Variants in PCDHA1 observed in about 807,000 individuals in gnomAD.
The protein encoded by PCDHA1 is protocadherin alpha-1.
Under a neutral mutation model 61.3 loss-of-function variants are expected in PCDHA1, and 42 were observed. The ratio of observed to expected loss-of-function variants is 0.69; its 90% CI spans 0.54 to 0.89. The LOEUF (loss-of-function observed/expected upper bound fraction) is 0.89. PCDHA1 is among the 40% of genes least tolerant of loss of function. The probability of loss-of-function intolerance (pLI) is 0.00; values close to 1 mark genes in which losing one functional copy is unlikely to be tolerated. For synonymous variants in PCDHA1, 610 were observed against 553.8 expected, an observed-to-expected ratio of 1.10 and a Z score of -1.43; for missense variants, 1,256 against 1,235.3, an observed-to-expected ratio of 1.02 and a Z score of -0.25.
chr5:140,891,056 T>C (rs2062933451), intron 1 of PCDHA1, among the ~76,000 whole-genome samples: 1 of 152,196 alleles, frequency 6.6e-6, no homozygotes, highest in Non-Finnish European at 1.5e-5. Context: ...CAGCACATAG[T>C]AAATATTATT....
intron 1 of PCDHA1, chr5:140,870,819 G>T: frequency 3.1e-6 from 5 of 1,613,714 alleles, no homozygotes; most frequent in Non-Finnish European, 4.2e-6. Context: ...CTGGCAGCGC[G>T]GGAGGCGCAG....
intron 1 of PCDHA1, chr5:140,968,861 C>T (rs139036960): frequency 5.6e-5 from 90 of 1,614,182 alleles, no homozygotes; most frequent in Admixed American, 2.8e-4. Flanking sequence ...TAAGAGCCCT[C>T]GGACATACTC....
chr5:140,993,363 C>T (rs925225156), intron 3 of PCDHA1, among the ~76,000 whole-genome samples: 1 of 151,918 alleles, frequency 6.6e-6, no homozygotes, highest in Non-Finnish European at 1.5e-5. Context: ...CTCACAAAAA[C>T]TACCTCCCAG....
chr5:140,825,114 T>C (rs1037237517), intron 1 of PCDHA1: 1 of 151,798 alleles, frequency 6.6e-6, no homozygotes, highest in Non-Finnish European at 1.5e-5. Context: ...ACAAATAAAC[T>C]TCCCTACCCC....
At chr5:140,790,324 T>C (rs1168028958) in intron 1 of PCDHA1, among the ~76,000 whole-genome samples, 1 of 152,236 alleles carries the variant, frequency 6.6e-6, no homozygotes, top group Non-Finnish European at 1.5e-5. Context: ...TGTTTGCTTC[T>C]GAAGTTACTT....
chr5:140,794,503 T>C (rs1230480059), intron 1 of PCDHA1, among the ~76,000 whole-genome samples: 2 of 152,008 alleles, frequency 1.3e-5, no homozygotes, highest in Non-Finnish European at 2.9e-5. Flanking sequence ...AAAAGCGGAG[T>C]TGTTGTCTAA....
chr5:141,006,405 C>A (rs782532612), intron 3 of PCDHA1, among the ~76,000 whole-genome samples: 1 of 151,798 alleles, frequency 6.6e-6, no homozygotes, highest in Non-Finnish European at 1.5e-5. Context: ...AGTAGAGACG[C>A]GGTTTCACTG....
chr5:140,836,517 G>A (rs2150262716), intron 1 of PCDHA1: 2 of 1,613,868 alleles, frequency 1.2e-6, no homozygotes, highest in African/African-American at 2.7e-5. Flanking sequence ...CAGTCTGTTG[G>A]TGCTTACCCT....
At chr5:140,915,814 A>G (rs2077313905) in intron 1 of PCDHA1, among the ~76,000 whole-genome samples, 1 of 152,102 alleles carries the variant, frequency 6.6e-6, no homozygotes, top group African/African-American at 2.4e-5. Flanking sequence ...TGTTCACTCA[A>G]GGCCCTAGGG....
chr5:140,942,641 G>T (rs1198552335), intron 1 of PCDHA1, among the ~76,000 whole-genome samples: 1 of 151,754 alleles, frequency 6.6e-6, no homozygotes, highest in African/African-American at 2.4e-5. Flanking sequence ...TGGCAAAAGA[G>T]ATCTCATTCA....
chr5:140,828,122 A>T, intron 1 of PCDHA1: 2 of 1,612,976 alleles, frequency 1.2e-6, no homozygotes. Context: ...TAGATTGGGA[A>T]AGCAATGTCT....
intron 1 of PCDHA1, chr5:140,805,157 T>A: frequency 6.4e-7 from 1 of 1,556,692 alleles, no homozygotes; most frequent in Non-Finnish European, 8.6e-7. Flanking sequence ...AATTTTCACT[T>A]CACAGATGTA....
intron 1 of PCDHA1, chr5:140,876,086 C>T (rs371336139): frequency 2.5e-6 from 4 of 1,613,778 alleles, no homozygotes; most frequent in East Asian, 2.2e-5. Flanking sequence ...AGAGAGCAAA[C>T]GCCAAAACTC....
In PCDHA1 at chr5:140,919,817, T is replaced by C. The variant is rs889103078; in HGVS notation, c.2395-59132T>C. Among the ~76,000 whole-genome samples the C allele has an allele frequency of 4.6e-5, 7 of 152,350 alleles. No homozygotes were observed. In the South Asian group the frequency reaches 1.0e-3, roughly 23 times the overall value. On this transcript the variant is annotated intron_variant, in intron 1 of 3. Coordinates refer to ENST00000504120, the MANE Select transcript of PCDHA1 (RefSeq NM_018900.4). ...TGGATTGAATTGTGGGCCTCAAAAA[T>C]ATATGTCCACATAGTAACCTTTGGA...
chr5:140,966,057 G>A (rs2153745793), intron 1 of PCDHA1, among the ~76,000 whole-genome samples: 1 of 152,318 alleles, frequency 6.6e-6, no homozygotes, highest in East Asian at 1.9e-4. Flanking sequence ...TAACCCCAGA[G>A]CGCCTCCCCC....
rs199520871 is a variant in PCDHA1 at position 140,848,784 on chromosome 5, G to C, written c.2394+60100G>C. 5.5e-5 allele frequency: 88 copies of C among 1,593,310 alleles called. 12 individuals are homozygous for C. Among genetic ancestry groups the C allele is most frequent in the Non-Finnish European group, 6.9e-5 (80 of 1,164,078 alleles). On this transcript the variant is annotated intron_variant, in intron 1 of 3. Coordinates refer to ENST00000504120, the MANE Select transcript of PCDHA1 (RefSeq NM_018900.4). ...TCGGATCGACCGCGAGGAGCTGTGC[G>C]GGCGGAGCGCGGAGTGCAGCATCCA...
intron 1 of PCDHA1, chr5:140,928,706 A>T: frequency 6.2e-7 from 1 of 1,613,858 alleles, no homozygotes; most frequent in Non-Finnish European, 8.5e-7. Flanking sequence ...CGGGCGTCTG[A>T]CTCTAGTCTC....
chr5:140,816,876 A>T (rs1766015210), intron 1 of PCDHA1: 1 of 151,704 alleles, frequency 6.6e-6, no homozygotes, highest in Admixed American at 6.6e-5. Context: ...AGCAGTATTC[A>T]CTCAGCTCTT....
intron 1 of PCDHA1, chr5:140,871,628 T>C: frequency 7.1e-7 from 1 of 1,401,496 alleles, no homozygotes; most frequent in South Asian, 1.5e-5. Flanking sequence ...GATAACAATG[T>C]CTGTTCATAA....
Sources: gnomAD v4.1 joint callset for allele counts (sites outside exome capture counted in the v4.1 genomes callset) on GRCh38, gnomAD v4.1.1 for gene constraint, MANE v1.5 for transcripts, NCBI Gene and HGNC (gene_info 2026-07-23, HGNC 2026-07-21) for gene names.